TENM4: variants seen among roughly 807,000 people sequenced by gnomAD.
TENM4 encodes the protein teneurin transmembrane protein 4, also known as teneurin-4.
A neutral mutation model predicts 243.3 loss-of-function variants in TENM4; 82 were observed. The observed-to-expected ratio is 0.34, with a 90% CI of 0.28 to 0.40. The LOEUF is 0.40. Among genes scored for constraint, TENM4 ranks in the 10% least tolerant of loss-of-function variants. The pLI, the probability that TENM4 is intolerant of heterozygous loss-of-function variation, is 1.00. For missense variants in TENM4, 3,138 were observed against 3,673.3 expected, an observed-to-expected ratio of 0.85 and a Z score of 3.77; for synonymous variants, 1,412 against 1,456.3, an observed-to-expected ratio of 0.97 and a Z score of 0.69.
chr11:78,833,702 T>C (rs1358969490), intron 12 of TENM4, among the ~76,000 whole-genome samples: 1 of 152,226 alleles, frequency 6.6e-6, no homozygotes, highest in Admixed American at 6.5e-5. Flanking sequence ...TACTTTATCA[T>C]GTCAGCAGAG....
At chr11:79,433,699 C>T (rs891506265) in intron 1 of TENM4, among the ~76,000 whole-genome samples, 4 of 152,176 alleles carry the variant, frequency 2.6e-5, no homozygotes, top group African/African-American at 7.2e-5. Flanking sequence ...GAAAGGGAAC[C>T]GGGGTGCTGA....
At chr11:78,967,175 C>G (rs911161179) in intron 6 of TENM4, among the ~76,000 whole-genome samples, 1 of 152,188 alleles carries the variant, frequency 6.6e-6, no homozygotes, top group Non-Finnish European at 1.5e-5. Context: ...CCACAACTCC[C>G]TGGACTCTCC....
intron 6 of TENM4, among the ~76,000 whole-genome samples, chr11:78,975,997 G>T (rs1320588129): frequency 2.6e-5 from 4 of 152,234 alleles, no homozygotes; most frequent in African/African-American, 9.7e-5. Context: ...GTGGGTACCA[G>T]TCTGGGTGCT....
At chr11:79,243,162 C>G (rs1855453449) in intron 2 of TENM4, among the ~76,000 whole-genome samples, 1 of 152,004 alleles carries the variant, frequency 6.6e-6, no homozygotes. Context: ...GCTCCTTGTC[C>G]CCATCACAAA....
intron 6 of TENM4, among the ~76,000 whole-genome samples, chr11:78,962,634 G>C (rs1229044443): frequency 1.3e-5 from 2 of 152,156 alleles, no homozygotes; most frequent in Non-Finnish European, 2.9e-5. Context: ...TGTTCTTTAA[G>C]ACATACCTGA....
Position 78,668,943 on chromosome 11 carries a change from T to C in TENM4, c.7402A>G (p.Met2468Val), listed in dbSNP as rs1007731073. Residue 2468 changes from methionine (M) to valine (V), a missense_variant, in exon 32 of 34, where the codon ATG (methionine) becomes GTG (valine). Physicochemically the swap from Met to Val is conservative, Grantham distance 21. Transcript: ENST00000278550. Reference protein sequence around the residue: ...ISNSQDIKCFMTDVNSWLLTF... With the variant: ...ISNSQDIKCFVTDVNSWLLTF... ...AGTGAGCCGTGGTCCTTACCTGTCA[T>C]GAAGCACTTGATGTCCTGGGAGTTG... The C allele has an allele frequency of 1.9e-6, 3 of 1,612,480 alleles. No homozygotes were observed. The African/African-American group carries it at 4.0e-5, about 22-fold the overall frequency.
chr11:78,891,690 C>T (rs1243962555), intron 7 of TENM4, among the ~76,000 whole-genome samples: 12 of 152,136 alleles, frequency 7.9e-5, no homozygotes, highest in Non-Finnish European at 1.5e-5. Context: ...CCTCATTCTA[C>T]AGGTGAGGAA....
Position 79,246,221 on chromosome 11 carries a change from A to C in TENM4, c.-264-30312T>G, listed in dbSNP as rs1471702144. ...GATATATGCTAAGCACATAAACGTC[A>C]TTTCACTCCATCTTTATAAAACCTT... On this transcript the variant is annotated intron_variant, in intron 2 of 33. Transcript: ENST00000278550. 2.0e-5 allele frequency among the ~76,000 whole-genome samples: 3 copies of C among 152,102 alleles called. No homozygotes were observed. In the East Asian group the frequency reaches 5.8e-4, roughly 29 times the overall value.
chr11:78,884,616 T>A (rs1003420915), intron 9 of TENM4, among the ~76,000 whole-genome samples: 6 of 152,200 alleles, frequency 3.9e-5, no homozygotes, highest in Non-Finnish European at 8.8e-5. Context: ...CAGAAAATCA[T>A]ACTCATCCCA....
At chr11:79,198,636 G>T (rs542593229) in intron 3 of TENM4, among the ~76,000 whole-genome samples, 1 of 152,230 alleles carries the variant, frequency 6.6e-6, no homozygotes, top group Non-Finnish European at 1.5e-5. Flanking sequence ...TAGAGACACC[G>T]TGGCCTTCAA....
chr11:79,148,816 G>T lies in TENM4; in HGVS notation c.-162-10C>A. On this transcript the variant is annotated splice_polypyrimidine_tract_variant and intron_variant, in intron 3 of 33. Transcript: ENST00000278550. ...GGTAATTTCAGTCTACCTGTTGAAA[G>T]AGACAAGAGACAAATCAGTCATTTT... 2 of 928,916 alleles carry T rather than the reference G, an allele frequency of 2.2e-6. No individual in the cohort carries two copies. Among genetic ancestry groups the T allele is most frequent in the Non-Finnish European group, 2.6e-6 (2 of 778,540 alleles). The allele number at this position is 928,916 out of a possible 1,614,324, so 57.5% of individuals were successfully genotyped here.
At chr11:78,779,629 G>A (rs1286164296) in intron 16 of TENM4, among the ~76,000 whole-genome samples, 8 of 152,132 alleles carry the variant, frequency 5.3e-5, no homozygotes, top group Non-Finnish European at 1.0e-4. Flanking sequence ...GCTCTTTGAG[G>A]AGCTTCTCTT....
chr11:79,298,224 C>T (rs1381159406), intron 1 of TENM4, among the ~76,000 whole-genome samples: 4 of 152,104 alleles, frequency 2.6e-5, no homozygotes, highest in Non-Finnish European at 5.9e-5. Context: ...TGGTCTTTCC[C>T]TAGTCTAGGT....
At chr11:78,968,653 C>T (rs1035336871) in intron 6 of TENM4, among the ~76,000 whole-genome samples, 1 of 152,102 alleles carries the variant, frequency 6.6e-6, no homozygotes, top group African/African-American at 2.4e-5. Flanking sequence ...AGGAACGGGC[C>T]CAGATTCTTC....
intron 1 of TENM4, among the ~76,000 whole-genome samples, chr11:79,315,095 G>A (rs975965291): frequency 1.3e-5 from 2 of 152,210 alleles, no homozygotes; most frequent in African/African-American, 2.4e-5. Context: ...GAGTAATAGC[G>A]TGGGAGTAGG....
Position 79,064,510 on chromosome 11 carries a change from G to A in TENM4, c.493+228C>T, listed in dbSNP as rs1435472. 0.33 allele frequency: 188,696 copies of A among 572,342 alleles called. 34,553 individuals are homozygous for A. The highest frequency in any genetic ancestry group is 0.39 in the Non-Finnish European group (127,178 of 328,404). The allele number at this position is 572,342 out of a possible 1,614,324, so 35.5% of individuals were successfully genotyped here. On this transcript the variant is annotated intron_variant, in intron 6 of 33. Transcript: ENST00000278550. The stretch of plus-strand genomic sequence containing the variant: ...TGAGCAATGACCCAGAGACTTAGGC[G>A]CCTCCCTAATCCGGAAGCAAAGAGC...
chr11:79,138,866 C>A (rs191695105), intron 4 of TENM4, among the ~76,000 whole-genome samples: 26,014 of 92,664 alleles, frequency 0.28, 5,517 homozygotes, highest in African/African-American at 0.52. Context: ...CAAAATATAC[C>A]TTATATTTAT....
intron 4 of TENM4, among the ~76,000 whole-genome samples, chr11:79,111,667 T>C (rs1861512086): frequency 6.6e-6 from 1 of 152,210 alleles, no homozygotes; most frequent in African/African-American, 2.4e-5. Context: ...TACTCCTTAA[T>C]GGACCAGAAC....
chr11:78,938,974 CA>C (rs1188126205), intron 6 of TENM4, among the ~76,000 whole-genome samples: 2 of 152,180 alleles, frequency 1.3e-5, no homozygotes, highest in Non-Finnish European at 2.9e-5. Flanking sequence ...TTGGAATTCC[CA>C]AATCTCTCTT....
Sources: gnomAD v4.1 joint callset for allele counts (sites outside exome capture counted in the v4.1 genomes callset) on GRCh38, gnomAD v4.1.1 for gene constraint, MANE v1.5 for transcripts, NCBI Gene and HGNC (gene_info 2026-07-23, HGNC 2026-07-21) for gene names.